The following WWTR1 variants were observed in gnomAD, a reference collection of about 807,000 sequenced individuals.
WWTR1 encodes WW domain-containing transcription regulator protein 1.
In WWTR1, 13 loss-of-function variants were observed where a neutral mutation model predicts 40.1. The observed-to-expected ratio is 0.32, with a 90% CI of 0.21 to 0.52. The LOEUF (loss-of-function observed/expected upper bound fraction) is 0.52, where lower values mean the gene tolerates loss of function less well. Ranked by LOEUF, WWTR1 falls within the 20% of genes least tolerant of loss-of-function variation. The probability of loss-of-function intolerance (pLI) is 0.97; values close to 1 mark genes in which losing one functional copy is unlikely to be tolerated. For missense variants in WWTR1, 436 were observed against 523.1 expected, an observed-to-expected ratio of 0.83 and a Z score of 1.63; for synonymous variants, 230 against 210.1, an observed-to-expected ratio of 1.09 and a Z score of -0.82.
intron 1 of WWTR1, among the ~76,000 whole-genome samples, chr3:149,679,548 A>G (rs1296360270): frequency 6.6e-6 from 1 of 152,164 alleles, no homozygotes; most frequent in Non-Finnish European, 1.5e-5. Flanking sequence ...CACAGTATAG[A>G]TAAGTTAGAT....
At chr3:149,703,360 A>G (rs750888233), upstream of WWTR1, 13 of 152,230 alleles carry the variant, frequency 8.5e-5, no homozygotes, top group Non-Finnish European at 1.6e-4. Context: ...TGAACAACCC[A>G]AAAGGGTTTT....
chr3:149,633,042 C>T (rs541590086), intron 2 of WWTR1, among the ~76,000 whole-genome samples: 27 of 152,254 alleles, frequency 1.8e-4, no homozygotes, highest in African/African-American at 6.3e-4. Flanking sequence ...GAATTACACA[C>T]TTAAAATGAG....
intron 3 of WWTR1, among the ~76,000 whole-genome samples, chr3:149,549,091 T>C (rs1356020722): frequency 6.6e-6 from 1 of 152,184 alleles, no homozygotes; most frequent in Non-Finnish European, 1.5e-5. Context: ...CAAATCTCCC[T>C]TACAGAGGAA....
Position 149,657,751 on chromosome 3 carries a change from C to T in WWTR1, c.-4+14G>A, listed in dbSNP as rs906747849. On this transcript the variant is annotated intron_variant, in intron 1 of 6. Transcript: ENST00000360632. ...GTGGTGCCGGATGAGCGCGCGAGCTCCAGCGGGCACTACCTGGGCGGGCAG... is the reference window on the plus strand; with the variant it reads ...GTGGTGCCGGATGAGCGCGCGAGCTTCAGCGGGCACTACCTGGGCGGGCAG... The T allele has an allele frequency of 8.8e-5, 14 of 159,568 alleles. No individual in the cohort carries two copies. The highest frequency in any genetic ancestry group is 1.8e-4 in the Non-Finnish European group (13 of 73,188). The allele number at this position is 159,568 out of a possible 1,614,324, so 9.9% of individuals were successfully genotyped here.
At chr3:149,541,787 C>A (rs374124560) in intron 4 of WWTR1, among the ~76,000 whole-genome samples, 7 of 152,082 alleles carry the variant, frequency 4.6e-5, no homozygotes, top group African/African-American at 1.7e-4. Context: ...ACCATAGATC[C>A]CAGGCTTTTG....
At chr3:149,667,431 C>T (rs1383366888) in intron 2 of WWTR1, among the ~76,000 whole-genome samples, 1 of 151,814 alleles carries the variant, frequency 6.6e-6, no homozygotes, top group Non-Finnish European at 1.5e-5. Flanking sequence ...ACCTGTAGTC[C>T]CAGCTACTTG....
chr3:149,658,196 T>C (rs546206497), upstream of WWTR1: 1 of 153,372 alleles, frequency 6.5e-6, no homozygotes, highest in South Asian at 2.1e-4. Flanking sequence ...ACCCTGGGCG[T>C]GATGGGTACT....
intron 2 of WWTR1, among the ~76,000 whole-genome samples, chr3:149,631,499 A>G (rs957395822): frequency 6.6e-6 from 1 of 152,150 alleles, no homozygotes; most frequent in African/African-American, 2.4e-5. Context: ...TTCACGTACA[A>G]ACCCCAAATA....
chr3:149,712,897 A>G (rs1715514609), intron 5 of WWTR1, among the ~76,000 whole-genome samples: 1 of 152,208 alleles, frequency 6.6e-6, no homozygotes, highest in African/African-American at 2.4e-5. Context: ...TATTATTATG[A>G]CATTCGCAAA....
At position 149,525,837 on chromosome 3, in the gene WWTR1, G is replaced by A. The variant is rs146115973; in HGVS notation, c.1018+176C>T. On this transcript the variant is annotated intron_variant, in intron 6 of 6. Transcript: ENST00000360632. ...CACTACCTGGGTGACGAGAGCAATC[G>A]TATCCCAAACCCCGGCATCACATAA... is the stretch of plus-strand genomic sequence containing the variant. 265 of 402,636 alleles carry A rather than the reference G, an allele frequency of 6.6e-4. 1 individual carries two copies. The highest frequency in any genetic ancestry group is 4.7e-3 in the African/African-American group (229 of 48,338). The allele number at this position is 402,636 out of a possible 1,614,324, so 24.9% of individuals were successfully genotyped here. A position where few individuals can be genotyped will look rare whatever the true frequency, so the allele number is the denominator to read the frequency against.
rs751829246 is a variant in WWTR1 at position 149,542,537 on chromosome 3, A to G, written c.569T>C (p.Val190Ala). The G allele has an allele frequency of 1.2e-6, 2 of 1,609,472 alleles. No homozygotes were observed. The highest frequency in any genetic ancestry group is 2.7e-5 in the African/African-American group (2 of 74,938). Residue 190 changes from valine (V) to alanine (A), a missense_variant and splice_region_variant, in exon 4 of 7, where the codon GTG becomes GCG. Physicochemically the swap from Val to Ala is moderately conservative, Grantham distance 64 (BLOSUM62 0). Coordinates refer to ENST00000360632, the MANE Select transcript of WWTR1 (RefSeq NM_015472.6). ...CTGCTGCTGGTGTTGGTGATTCATC[A>G]CTGCAAGAGGGAAGAACATACAGAT... Reference protein sequence around the residue: ...RSMAVSQPNLVMNHQHQQQMA... With the variant: ...RSMAVSQPNLAMNHQHQQQMA...
chr3:149,547,649 G>A (rs767691200), intron 3 of WWTR1, among the ~76,000 whole-genome samples: 9 of 152,104 alleles, frequency 5.9e-5, no homozygotes, highest in Non-Finnish European at 1.0e-4. Flanking sequence ...CTAGACCGTT[G>A]CCAGTCCCCC....
intron 3 of WWTR1, among the ~76,000 whole-genome samples, chr3:149,565,544 T>G (rs1053683603): frequency 2.0e-5 from 3 of 152,204 alleles, no homozygotes; most frequent in African/African-American, 7.2e-5. Context: ...TAAAAGGAAC[T>G]CAATCCGTTG....
chr3:149,558,151 C>T (rs569976523), intron 3 of WWTR1, among the ~76,000 whole-genome samples: 37 of 151,972 alleles, frequency 2.4e-4, no homozygotes, highest in African/African-American at 8.9e-4. Context: ...GTGAATGGGC[C>T]CCAAGCAGTA....
intron 2 of WWTR1, among the ~76,000 whole-genome samples, chr3:149,573,250 T>C (rs1467486004): frequency 6.6e-6 from 1 of 152,078 alleles, no homozygotes; most frequent in Non-Finnish European, 1.5e-5. Flanking sequence ...AGACAGCCCT[T>C]GCATGCAGTG....
At chr3:149,720,632 TTTG>T (rs1715731874) in intron 4 of WWTR1, among the ~76,000 whole-genome samples, 1 of 152,114 alleles carries the variant, frequency 6.6e-6, no homozygotes, top group African/African-American at 2.4e-5. Context: ...AATATTAAGA[TTTG>T]TTTTCCTATT....
chr3:149,592,082 T>C (rs78475887), intron 2 of WWTR1, among the ~76,000 whole-genome samples: 2,000 of 152,298 alleles, frequency 0.013, 48 homozygotes, highest in African/African-American at 0.046. Context: ...TGATGTTCTA[T>C]AAAACATCAG....
chr3:149,667,005 G>A (rs1475490271), intron 2 of WWTR1, among the ~76,000 whole-genome samples: 2 of 152,082 alleles, frequency 1.3e-5, no homozygotes, highest in Non-Finnish European at 2.9e-5. Flanking sequence ...AATGTATATC[G>A]AAGCTTAGTT....
chr3:149,527,992 G>A (rs1238127772), intron 4 of WWTR1, 23 bp from the exon 5 acceptor site: 1 of 1,611,382 alleles, frequency 6.2e-7, no homozygotes, highest in South Asian at 1.1e-5. Flanking sequence ...TGGGAAGCAA[G>A]AGTCATGCAC....
Sources: gnomAD v4.1 joint callset for allele counts (sites outside exome capture counted in the v4.1 genomes callset) on GRCh38, gnomAD v4.1.1 for gene constraint, MANE v1.5 for transcripts, NCBI Gene and HGNC (gene_info 2026-07-23, HGNC 2026-07-21) for gene names.